The following NCBP3 variants were observed in gnomAD, a reference collection of about 807,000 sequenced individuals.
NCBP3 encodes the protein nuclear cap-binding protein subunit 3.
In NCBP3, 20 loss-of-function variants were observed where a neutral mutation model predicts 75.7. The observed-to-expected ratio is 0.26, with a 90% CI of 0.19 to 0.38. NCBP3 has a LOEUF of 0.38. Ranked by LOEUF, NCBP3 falls within the 10% of genes least tolerant of loss-of-function variation. The pLI is 1.00. For missense variants in NCBP3, 678 were observed against 796.9 expected, an observed-to-expected ratio of 0.85 and a Z score of 1.80; for synonymous variants, 293 against 290.5, an observed-to-expected ratio of 1.01 and a Z score of -0.09.
At chr17:3,817,733 G>A (rs2053568884) in intron 10 of NCBP3, among the ~76,000 whole-genome samples, 1 of 152,052 alleles carries the variant, frequency 6.6e-6, no homozygotes, top group African/African-American at 2.4e-5. Context: ...GGACTTTGAG[G>A]AATTTATTGA....
intron 10 of NCBP3, among the ~76,000 whole-genome samples, chr17:3,816,476 G>A (rs17175747): frequency 0.018 from 2,746 of 152,328 alleles, 28 homozygotes; most frequent in Middle Eastern, 0.034. Flanking sequence ...CTGGTGAGCA[G>A]GTTTTCGAAG....
chr17:3,818,755 A>G lies in NCBP3; in HGVS notation c.1001-183T>C, dbSNP rs2053604116. Among the ~76,000 whole-genome samples, 1 of 152,228 alleles carries G rather than the reference A, an allele frequency of 6.6e-6. No individual in the cohort carries two copies. The highest frequency in any genetic ancestry group is 6.5e-5 in the Admixed American group (1 of 15,280). On this transcript the variant is annotated intron_variant, in intron 9 of 12. Transcript: ENST00000389005. This position sits in a 1 kb window ranked among gnomAD's most constrained non-coding sequence, Gnocchi z 4.7. ...TACTGCAACAGGAGGATGGCTAGGT[A>G]AAGTATGATGCAGCAGCCTAACCAA...
intron 3 of NCBP3, among the ~76,000 whole-genome samples, chr17:3,835,275 G>A (rs2053954208): frequency 6.6e-6 from 1 of 152,214 alleles, no homozygotes; most frequent in Non-Finnish European, 1.5e-5. Flanking sequence ...CAATTCCTGG[G>A]GAAAAGACCT....
chr17:3,818,321 T>G lies in NCBP3; in HGVS notation c.1252A>C (p.Lys418Gln). Reference sequence around the variant, plus strand: ...GCATACATAGTCATTTTCATGCTTTTCTTTGGTGAAGGCGTGGAAATCATT... The same window carrying G: ...GCATACATAGTCATTTTCATGCTTTGCTTTGGTGAAGGCGTGGAAATCATT... ...LKMISTPSPKKSMKMTMYADE... is the reference protein window; with the variant it reads ...LKMISTPSPKQSMKMTMYADE... The change falls in exon 10 of 13, where the codon AAA becomes CAA. Residue 418 changes from lysine to glutamine, a missense_variant. Lys to Gln is a moderately conservative substitution (Grantham distance 53). This residue lies in a region of NCBP3 where 365 missense variants were observed against 392.7 expected (regional missense o/e 0.93). Transcript: ENST00000389005. This position sits in a 1 kb window ranked among gnomAD's most constrained non-coding sequence, Gnocchi z 4.7. 2 of 1,614,074 alleles carry G rather than the reference T, an allele frequency of 1.2e-6. No homozygotes were observed. Among genetic ancestry groups the G allele is most frequent in the Non-Finnish European group, 1.7e-6 (2 of 1,179,984 alleles).
intron 1 of NCBP3, among the ~76,000 whole-genome samples, chr17:3,845,057 G>C (rs1385377356): frequency 1.3e-5 from 2 of 152,158 alleles, no homozygotes; most frequent in Non-Finnish European, 2.9e-5. Context: ...AGGGGAAAGG[G>C]GGGACCTCAA....
chr17:3,803,657 A>G lies in NCBP3; in HGVS notation c.*9387T>C, dbSNP rs2053301714. ...AACGAATGAAAGAGAAAATGTGGCAAAATGTTCTTTGTTGTACCCTTCAAA... is the reference window on the plus strand; with the variant it reads ...AACGAATGAAAGAGAAAATGTGGCAGAATGTTCTTTGTTGTACCCTTCAAA... On this transcript the variant is annotated 3_prime_UTR_variant, in exon 13 of 13. Coordinates refer to ENST00000389005, the MANE Select transcript of NCBP3 (RefSeq NM_001114118.3). 2 of 152,274 alleles carry G rather than the reference A, an allele frequency of 1.3e-5. No homozygotes were observed. The highest frequency in any genetic ancestry group is 1.3e-4 in the Admixed American group (2 of 15,292). The allele number at this position is 152,274 out of a possible 1,614,324, so 9.4% of individuals were successfully genotyped here. A position where few individuals can be genotyped will look rare whatever the true frequency, so the allele number is the denominator to read the frequency against.
chr17:3,827,602 TCA>T (rs780792820), intron 4 of NCBP3, among the ~76,000 whole-genome samples: 2 of 152,192 alleles, frequency 1.3e-5, no homozygotes, highest in African/African-American at 2.4e-5. Context: ...CCCCTATATC[TCA>T]GTTTGGGAAA....
At chr17:3,825,346 G>A (rs1361287529) in intron 6 of NCBP3, among the ~76,000 whole-genome samples, 2 of 152,174 alleles carry the variant, frequency 1.3e-5, no homozygotes, top group Non-Finnish European at 2.9e-5. Context: ...CAGGCTCCGA[G>A]AGGGCCAGGA....
At position 3,832,356 on chromosome 17, in the gene NCBP3, A is replaced by G. The variant is rs556682465; in HGVS notation, c.356-2988T>C. ...TAATGTAAAAAAGAATTTAATGGGCAGGCGCGGTGGCTCACGCCTGTAATC... is the reference window on the plus strand; with the variant it reads ...TAATGTAAAAAAGAATTTAATGGGCGGGCGCGGTGGCTCACGCCTGTAATC... On this transcript the variant is annotated intron_variant, in intron 3 of 12. Transcript: ENST00000389005. Among the ~76,000 whole-genome samples the G allele has an allele frequency of 2.7e-4, 32 of 119,566 alleles. 13 individuals carry two copies. Among genetic ancestry groups the G allele is most frequent in the Non-Finnish European group, 5.1e-4 (25 of 49,366 alleles). The allele number at this position is 119,566 out of a possible 152,430, so 78.4% of individuals were successfully genotyped here.
Position 3,812,829 on chromosome 17 carries a change from G to C in NCBP3, c.*215C>G. ...CCTGTGGGGTGGTGGGAAAGGAATC[G>C]AGGGCCCAGAACTACAACTCTGCAG... On this transcript the variant is annotated 3_prime_UTR_variant, in exon 13 of 13. Coordinates refer to ENST00000389005, the MANE Select transcript of NCBP3 (RefSeq NM_001114118.3). The C allele has an allele frequency of 2.2e-6, 3 of 1,387,138 alleles. No homozygotes were observed. The highest frequency in any genetic ancestry group is 2.8e-5 in the East Asian group (1 of 36,040). 85.9% of individuals were successfully genotyped at this position (1,387,138 alleles called of 1,614,324 possible).
At chr17:3,829,030 T>C (rs1235523533) in intron 4 of NCBP3, among the ~76,000 whole-genome samples, 1 of 152,076 alleles carries the variant, frequency 6.6e-6, no homozygotes, top group African/African-American at 2.4e-5. Context: ...CCACCACCTC[T>C]CAGCTGACGT....
At chr17:3,824,457 CAT>C (rs1491305705) in intron 7 of NCBP3, 7 of 144,968 alleles carry the variant, frequency 4.8e-5, no homozygotes, top group Non-Finnish European at 8.9e-5. Flanking sequence ...TACATACACA[CAT>C]ACACGCGATA....
In NCBP3 at chr17:3,840,251, G is replaced by C. The variant is rs533242826; in HGVS notation, c.250-46C>G. On this transcript the variant is annotated intron_variant, in intron 2 of 12. Transcript: ENST00000389005. ...GAAAGTAGTAAAATATGGAGAAGGC[G>C]AGTTAAATCACACATGCATCATGAT... 8.8e-6 allele frequency: 13 copies of C among 1,480,804 alleles called. No individual in the cohort carries two copies. The East Asian group carries it at 3.2e-4, about 37-fold the overall frequency. 91.7% of individuals were successfully genotyped at this position (1,480,804 alleles called of 1,614,324 possible). A position where few individuals can be genotyped will look rare whatever the true frequency, so the allele number is the denominator to read the frequency against.
chr17:3,828,620 C>T (rs1345445265), intron 4 of NCBP3, among the ~76,000 whole-genome samples: 1 of 152,018 alleles, frequency 6.6e-6, no homozygotes, highest in African/African-American at 2.4e-5. Context: ...AGAGGTCAGG[C>T]CAGACTTACA....
chr17:3,806,803 G>A lies in NCBP3; in HGVS notation c.*6241C>T, dbSNP rs1004733271. 6.7e-6 allele frequency: 1 copy of A among 149,372 alleles called. No homozygotes were observed. The highest frequency in any genetic ancestry group is 2.5e-5 in the African/African-American group (1 of 40,752). The allele number at this position is 149,372 out of a possible 1,614,324, so 9.3% of individuals were successfully genotyped here. On this transcript the variant is annotated 3_prime_UTR_variant, in exon 13 of 13. Transcript: ENST00000389005. ...GTAAGAAAAGTTGTAGATATTTATT[G>A]TGGGTCTGGTTATGCAAGAACAATC... is the stretch of plus-strand genomic sequence containing the variant.
chr17:3,829,498 A>G (rs1248931806), intron 3 of NCBP3, 130 bp from the exon 4 acceptor site: 28 of 1,029,420 alleles, frequency 2.7e-5, no homozygotes, highest in Non-Finnish European at 1.7e-5. Context: ...AACTATAATT[A>G]TTTCAAAAGA....
At chr17:3,844,883 G>A (rs759590522) in intron 1 of NCBP3, among the ~76,000 whole-genome samples, 1 of 152,178 alleles carries the variant, frequency 6.6e-6, no homozygotes, top group Non-Finnish European at 1.5e-5. Flanking sequence ...GCGGTGAGCC[G>A]AGATCGCGCC....
chr17:3,820,744 A>C lies in NCBP3; in HGVS notation c.1000+505T>G, dbSNP rs111245159. ...TCAGGAGTTCGAGACCAGCCTGGCCAACATGGTGAAACCCCATCTCTACTA... is the reference window on the plus strand; with the variant it reads ...TCAGGAGTTCGAGACCAGCCTGGCCCACATGGTGAAACCCCATCTCTACTA... On this transcript the variant is annotated intron_variant, in intron 9 of 12. Transcript: ENST00000389005. Among the ~76,000 whole-genome samples the C allele has an allele frequency of 3.2e-3, 495 of 152,348 alleles. 2 individuals carry two copies. The highest frequency in any genetic ancestry group is 0.011 in the African/African-American group (474 of 41,580).
In NCBP3 at chr17:3,803,830, C is replaced by A. The variant is rs1220121292; in HGVS notation, c.*9214G>T. ...GTGGCTCACGCCTGTAATCCCAGCA[C>A]TTTGGGAGGCCGAGGCGGGCGGATC... On this transcript the variant is annotated 3_prime_UTR_variant, in exon 13 of 13. Coordinates refer to ENST00000389005, the MANE Select transcript of NCBP3 (RefSeq NM_001114118.3). 1 of 152,192 alleles carries A rather than the reference C, an allele frequency of 6.6e-6. No individual in the cohort carries two copies. Among genetic ancestry groups the A allele is most frequent in the Non-Finnish European group, 1.5e-5 (1 of 68,044 alleles). The allele number at this position is 152,192 out of a possible 1,614,324, so 9.4% of individuals were successfully genotyped here. A position where few individuals can be genotyped will look rare whatever the true frequency, so the allele number is the denominator to read the frequency against.
Sources: allele counts gnomAD v4.1 joint callset (sites outside exome capture counted in the v4.1 genomes callset), GRCh38; gene constraint gnomAD v4.1.1; regional missense constraint gnomAD v4.1.1; non-coding constraint Gnocchi (gnomAD v3.1); transcripts MANE v1.5; gene names NCBI Gene and HGNC (gene_info 2026-07-23, HGNC 2026-07-21).